Variants in SNTG1 observed in about 807,000 individuals in gnomAD.
SNTG1 encodes the protein syntrophin gamma 1, also known as gamma-1-syntrophin.
SNTG1 carries 39 observed loss-of-function variants against 74.7 expected under a neutral mutation model. That is an observed-to-expected ratio of 0.52 (90% CI 0.40 to 0.68). The LOEUF is 0.68. Among genes scored for constraint, SNTG1 ranks in the 30% least tolerant of loss-of-function variants. SNTG1 has a pLI of 0.00. For missense variants in SNTG1, 685 were observed against 609.5 expected, an observed-to-expected ratio of 1.12 and a Z score of -1.30; for synonymous variants, 254 against 217.1, an observed-to-expected ratio of 1.17 and a Z score of -1.49.
intron 1 of SNTG1, among the ~76,000 whole-genome samples, chr8:50,122,180 C>G (rs1234678466): frequency 7.0e-6 from 1 of 141,896 alleles, no homozygotes; most frequent in Admixed American, 7.3e-5. Context: ...GTTTCTCAGC[C>G]TCTGTAGGCC....
At chr8:50,479,749 T>G (rs1011578556) in intron 8 of SNTG1, among the ~76,000 whole-genome samples, 1 of 152,098 alleles carries the variant, frequency 6.6e-6, no homozygotes, top group Admixed American at 6.6e-5. Flanking sequence ...GGTGGTGGGT[T>G]TCTACCGTTT....
intron 1 of SNTG1, among the ~76,000 whole-genome samples, chr8:50,065,427 C>A (rs1441748073): frequency 6.6e-6 from 1 of 152,012 alleles, no homozygotes; most frequent in African/African-American, 2.4e-5. Context: ...TAAATAAAAT[C>A]GCATTTTAAT....
At chr8:50,127,084 A>C (rs1049217033) in intron 1 of SNTG1, among the ~76,000 whole-genome samples, 13 of 152,130 alleles carry the variant, frequency 8.5e-5, no homozygotes, top group Admixed American at 1.3e-4. Flanking sequence ...GAAAAATGTT[A>C]GGTATAATAT....
intron 2 of SNTG1, among the ~76,000 whole-genome samples, chr8:50,260,159 A>G (rs1044856089): frequency 3.9e-5 from 6 of 152,200 alleles, no homozygotes; most frequent in African/African-American, 1.4e-4. Flanking sequence ...AGTCTAACAA[A>G]TGGTTTTTAC....
chr8:50,142,516 C>A (rs1219877047), intron 1 of SNTG1, among the ~76,000 whole-genome samples: 1 of 150,936 alleles, frequency 6.6e-6, no homozygotes, highest in African/African-American at 2.4e-5. Context: ...ATGAATCAAG[C>A]AGTTGGTTAA....
chr8:50,789,010 C>A (rs1033547466), intron 18 of SNTG1, among the ~76,000 whole-genome samples: 2 of 151,968 alleles, frequency 1.3e-5, no homozygotes, highest in Non-Finnish European at 2.9e-5. Flanking sequence ...ATTTCATAAA[C>A]CTTGGAAAAA....
At chr8:50,659,038 A>T (rs2131280425) in intron 15 of SNTG1, among the ~76,000 whole-genome samples, 1 of 152,270 alleles carries the variant, frequency 6.6e-6, no homozygotes, top group South Asian at 2.1e-4. Context: ...TAAAATGCAA[A>T]AGAGAAAGAT....
intron 15 of SNTG1, among the ~76,000 whole-genome samples, chr8:50,689,903 T>C (rs2095370107): frequency 6.6e-6 from 1 of 152,226 alleles, no homozygotes; most frequent in Non-Finnish European, 1.5e-5. Context: ...TGGTAAGCTA[T>C]TGATTATTGC....
At chr8:50,680,342 C>G (rs2095326109) in intron 15 of SNTG1, among the ~76,000 whole-genome samples, 3 of 152,130 alleles carry the variant, frequency 2.0e-5, no homozygotes, top group Non-Finnish European at 4.4e-5. Flanking sequence ...TTTGCAAATC[C>G]TGTCAGGACT....
intron 2 of SNTG1, among the ~76,000 whole-genome samples, chr8:50,392,095 G>C (rs778443793): frequency 2.0e-5 from 3 of 152,146 alleles, no homozygotes; most frequent in Non-Finnish European, 4.4e-5. Context: ...GGAAAACACA[G>C]ATGAAGTTTA....
At chr8:50,419,925 A>G (rs1025060271) in intron 4 of SNTG1, among the ~76,000 whole-genome samples, 1 of 152,098 alleles carries the variant, frequency 6.6e-6, no homozygotes, top group Non-Finnish European at 1.5e-5. Flanking sequence ...TGGACGGGAC[A>G]GAGAAAATAA....
At chr8:50,667,445 A>G (rs2095256028) in intron 15 of SNTG1, among the ~76,000 whole-genome samples, 1 of 152,052 alleles carries the variant, frequency 6.6e-6, no homozygotes, top group Non-Finnish European at 1.5e-5. Context: ...CAAGAGCATG[A>G]TGCTAGCATG....
At chr8:50,030,125 C>T (rs1028043530) in intron 1 of SNTG1, among the ~76,000 whole-genome samples, 3 of 152,046 alleles carry the variant, frequency 2.0e-5, no homozygotes, top group Admixed American at 2.0e-4. Flanking sequence ...TTTCATATAT[C>T]TGCTGGCCAG....
At chr8:50,550,955 G>A (rs2094422311) in intron 11 of SNTG1, among the ~76,000 whole-genome samples, 1 of 151,998 alleles carries the variant, frequency 6.6e-6, no homozygotes, top group Non-Finnish European at 1.5e-5. Context: ...TTTTAACACT[G>A]AAATATTACA....
chr8:49,970,931 A>G (rs1447951701), intron 1 of SNTG1, among the ~76,000 whole-genome samples: 1 of 152,190 alleles, frequency 6.6e-6, no homozygotes, highest in East Asian at 1.9e-4. Flanking sequence ...GATGAATTCT[A>G]CCACAGGTAC....
At chr8:50,249,778 G>A (rs947892320) in intron 2 of SNTG1, among the ~76,000 whole-genome samples, 3 of 152,044 alleles carry the variant, frequency 2.0e-5, no homozygotes, top group Non-Finnish European at 2.9e-5. Context: ...CAAAGCCAAT[G>A]CTACATTCTC....
chr8:50,781,349 G>C (rs947605690), intron 18 of SNTG1, among the ~76,000 whole-genome samples: 2 of 152,200 alleles, frequency 1.3e-5, no homozygotes, highest in East Asian at 3.9e-4. Context: ...AAGTCTCTTT[G>C]TAGGTCACTC....
At chr8:50,048,204 C>T (rs1819265802) in intron 1 of SNTG1, among the ~76,000 whole-genome samples, 1 of 151,892 alleles carries the variant, frequency 6.6e-6, no homozygotes. Context: ...GTTTATCCTC[C>T]TCAAAAATAA....
At chr8:50,100,640 C>T (rs1481060544) in intron 1 of SNTG1, among the ~76,000 whole-genome samples, 1 of 152,040 alleles carries the variant, frequency 6.6e-6, no homozygotes, top group Non-Finnish European at 1.5e-5. Context: ...TGAGGTAAGG[C>T]TAAGTTACTT....
Sources: allele counts gnomAD v4.1 joint callset (sites outside exome capture counted in the v4.1 genomes callset), GRCh38; gene constraint gnomAD v4.1.1; transcripts MANE v1.5; gene names NCBI Gene and HGNC (gene_info 2026-07-23, HGNC 2026-07-21).